PCBD1: variants seen among roughly 807,000 people sequenced by gnomAD.
PCBD1 encodes the protein pterin-4-alpha-carbinolamine dehydratase.
Under a neutral mutation model 12.6 loss-of-function variants are expected in PCBD1, and 16 were observed. The ratio of observed to expected loss-of-function variants is 1.27; its 90% confidence interval spans 0.86 to 1.93. The LOEUF (loss-of-function observed/expected upper bound fraction) is 1.93. PCBD1 is among the 30% of genes most tolerant of loss of function. PCBD1 has a pLI of 0.00. For synonymous variants in PCBD1, 53 were observed against 50.2 expected, an observed-to-expected ratio of 1.05 and a Z score of -0.23; for missense variants, 86 against 130.1, an observed-to-expected ratio of 0.66 and a Z score of 1.65.
At chr10:70,886,381 A>G (rs561773634) in intron 1 of PCBD1, among the ~76,000 whole-genome samples, 1 of 152,056 alleles carries the variant, frequency 6.6e-6, no homozygotes, top group Non-Finnish European at 1.5e-5. Flanking sequence ...TCCTTTTCCT[A>G]TTATGTACTT....
At chr10:70,886,357 T>C (rs943545865) in intron 1 of PCBD1, among the ~76,000 whole-genome samples, 2 of 152,168 alleles carry the variant, frequency 1.3e-5, no homozygotes, top group Non-Finnish European at 2.9e-5. Flanking sequence ...AGAGTACCCA[T>C]GACTCTCCCC....
At chr10:70,882,406 C>G (rs796180248), downstream of PCBD1, 3 of 152,266 alleles carry the variant, frequency 2.0e-5, no homozygotes, top group African/African-American at 7.2e-5. Context: ...CTGACAAGTC[C>G]CAAGATCTGT....
At position 70,883,767 on chromosome 10, in the gene PCBD1, G is replaced by C; in HGVS notation, c.*183C>G. On this transcript the variant is annotated 3_prime_UTR_variant, in exon 4 of 4. Transcript: ENST00000299299. The stretch of plus-strand genomic sequence containing the variant: ...GATGAAGAGAGTGGTGCAGGGAAAA[G>C]GTCTAAATTCCTGGTGTTGGTGGGG... The C allele has an allele frequency of 2.0e-6, 3 of 1,489,438 alleles. No homozygotes were observed. The East Asian group carries it at 7.5e-5, about 37-fold the overall frequency. The allele number at this position is 1,489,438 out of a possible 1,614,324, so 92.3% of individuals were successfully genotyped here.
chr10:70,888,283 T>C (rs1359840828), intron 1 of PCBD1: 1 of 371,612 alleles, frequency 2.7e-6, no homozygotes, highest in Non-Finnish European at 4.8e-6. Context: ...GAACAAGCAC[T>C]GGCCGGGGTC....
chr10:70,885,392 T>G (rs1185072133), intron 2 of PCBD1, among the ~76,000 whole-genome samples, 160 bp from the exon 3 acceptor site: 2 of 152,240 alleles, frequency 1.3e-5, no homozygotes, highest in African/African-American at 2.4e-5. Context: ...TTCTCAGGCT[T>G]GAGTTAGAGA....
Position 70,885,250 on chromosome 10 carries a change from G to A in PCBD1, c.136-18C>T. The stretch of plus-strand genomic sequence containing the variant: ...CCAAAGGCCTATTTAAGTGGAGTGA[G>A]AGCCAGGTTAGTGTTCTAAGAGAAA... On this transcript the variant is annotated intron_variant, in intron 2 of 3. Transcript: ENST00000299299. 3 of 1,604,120 alleles carry A rather than the reference G, an allele frequency of 1.9e-6. No individual in the cohort carries two copies. Among genetic ancestry groups the A allele is most frequent in the South Asian group, 1.1e-5 (1 of 90,818 alleles).
At position 70,883,836 on chromosome 10, in the gene PCBD1, C is replaced by T. The variant is rs562433724; in HGVS notation, c.*114G>A. 8.6e-5 allele frequency: 133 copies of T among 1,538,664 alleles called. 1 individual carries two copies. The highest frequency in any genetic ancestry group is 8.6e-4 in the Middle Eastern group (4 of 4,672). ...GCAAGGACTCAGCCCTCAACGGCGG[C>T]GGCTGGGTCTTGGGAGGGGAGTGGT... On this transcript the variant is annotated 3_prime_UTR_variant, in exon 4 of 4. Transcript: ENST00000299299.
intron 1 of PCBD1, among the ~76,000 whole-genome samples, chr10:70,886,447 AG>A (rs1173658676): frequency 6.6e-6 from 1 of 152,242 alleles, no homozygotes; most frequent in Non-Finnish European, 1.5e-5. Context: ...AAGAGGAAAC[AG>A]GCCTAGAGAG....
chr10:70,884,962 A>AT lies in PCBD1; in HGVS notation c.216+189dup, dbSNP rs149984252. ...TTTGCATTTCTTTATAGTAAGACTG[A>AT]TTTTTTTTTCCCAGGGGTATTTATG... On this transcript the variant is annotated intron_variant, in intron 3 of 3. Transcript: ENST00000299299. Among the ~76,000 whole-genome samples the AT allele has an allele frequency of 0.015, 2,271 of 151,306 alleles. 66 individuals carry two copies. Among genetic ancestry groups the AT allele is most frequent in the African/African-American group, 0.046 (1,908 of 41,200 alleles).
chr10:70,887,796 C>T (rs555170962), intron 1 of PCBD1: 1 of 152,530 alleles, frequency 6.6e-6, no homozygotes, highest in Non-Finnish European at 1.5e-5. Context: ...ACAAACAGCC[C>T]CACTCATCCT....
At chr10:70,887,386 C>T (rs1431200266) in intron 1 of PCBD1, among the ~76,000 whole-genome samples, 1 of 152,170 alleles carries the variant, frequency 6.6e-6, no homozygotes, top group Non-Finnish European at 1.5e-5. Context: ...CTCTTCCCCT[C>T]GGCTCTGGAT....
At chr10:70,886,268 A>T (rs1167593291) in intron 1 of PCBD1, among the ~76,000 whole-genome samples, 1 of 152,208 alleles carries the variant, frequency 6.6e-6, no homozygotes, top group Non-Finnish European at 1.5e-5. Flanking sequence ...CCTTCCCTCC[A>T]TGAGATTATT....
chr10:70,884,751 T>C (rs905324889), intron 3 of PCBD1, among the ~76,000 whole-genome samples: 12 of 152,046 alleles, frequency 7.9e-5, no homozygotes, highest in African/African-American at 2.7e-4. Flanking sequence ...CAAATATGTG[T>C]GTATTCTTAG....
chr10:70,888,398 G>T (rs1287436270), intron 1 of PCBD1, 133 bp downstream of exon 1: 11 of 1,021,518 alleles, frequency 1.1e-5, no homozygotes, highest in Non-Finnish European at 1.5e-5. Context: ...GCCGGGCAGA[G>T]ACCCCACTTT....
intron 1 of PCBD1, chr10:70,888,278 A>G (rs1846619383): frequency 5.5e-6 from 2 of 366,724 alleles, no homozygotes; most frequent in Non-Finnish European, 9.8e-6. Flanking sequence ...TCCCGGAACA[A>G]GCACTGGCCG....
At chr10:70,883,107 C>CT (rs1846524298), downstream of PCBD1, among the ~76,000 whole-genome samples, 1 of 152,202 alleles carries the variant, frequency 6.6e-6, no homozygotes, top group South Asian at 2.1e-4. Context: ...ACACCCTTAT[C>CT]TGTGTTCATG....
intron 1 of PCBD1, among the ~76,000 whole-genome samples, chr10:70,887,035 A>C (rs1564637238): frequency 2.0e-5 from 3 of 152,106 alleles, no homozygotes; most frequent in Admixed American, 6.5e-5. Flanking sequence ...AGCTTTTATG[A>C]GGCAGCCTGC....
intron 1 of PCBD1, among the ~76,000 whole-genome samples, chr10:70,887,605 T>G (rs745726523): frequency 2.6e-5 from 4 of 152,064 alleles, no homozygotes; most frequent in Non-Finnish European, 4.4e-5. Flanking sequence ...AGGCTTCCCT[T>G]TCTCGGTAGA....
Position 70,883,781 on chromosome 10 carries a change from GTGT to G in PCBD1, c.*166_*168del, listed in dbSNP as rs1846534631. On this transcript the variant is annotated 3_prime_UTR_variant, in exon 4 of 4. Transcript: ENST00000299299. ...TGCAGGGAAAAGGTCTAAATTCCTG[GTGT>G]TGGTGGGGACACTGGCACATCCCAC... 4 of 1,505,096 alleles carry G rather than the reference GTGT, an allele frequency of 2.7e-6. No individual in the cohort carries two copies. In the South Asian group the frequency reaches 3.7e-5, roughly 14 times the overall value. The allele number at this position is 1,505,096 out of a possible 1,614,324, so 93.2% of individuals were successfully genotyped here.
Sources: gnomAD v4.1 joint callset for allele counts (sites outside exome capture counted in the v4.1 genomes callset) on GRCh38, gnomAD v4.1.1 for gene constraint, MANE v1.5 for transcripts, NCBI Gene and HGNC (gene_info 2026-07-23, HGNC 2026-07-21) for gene names.